Variants in FBN3 observed in about 807,000 individuals in gnomAD.
The protein encoded by FBN3 is fibrillin 3.
Under a neutral mutation model 330.1 loss-of-function variants are expected in FBN3, and 234 were observed. The observed-to-expected ratio is 0.71, with a 90% confidence interval of 0.64 to 0.79. FBN3 has a LOEUF of 0.79. FBN3 is among the 30% of genes least tolerant of loss of function. The probability of loss-of-function intolerance (pLI) is 0.00; values close to 1 mark genes in which losing one functional copy is unlikely to be tolerated. For synonymous variants in FBN3, 1,458 were observed against 1,517.3 expected, an observed-to-expected ratio of 0.96 and a Z score of 0.91; for missense variants, 3,606 against 3,886.9, an observed-to-expected ratio of 0.93 and a Z score of 1.92.
intron 24 of FBN3, 23 bp downstream of exon 24, chr19:8,123,441 C>G (rs770481227): frequency 1.2e-6 from 2 of 1,611,584 alleles, no homozygotes; most frequent in Non-Finnish European, 1.7e-6. Flanking sequence ...ACGCTCTCTC[C>G]AAGAGGCAGA....
In FBN3 at chr19:8,080,880, C is replaced by A. The variant is rs1025178802; in HGVS notation, c.7453+123G>T. On this transcript the variant is annotated intron_variant, in intron 59 of 63. Transcript: ENST00000600128. Reference sequence around the variant, plus strand: ...CAGATGATCCACCCGCTTCAGCTTTCCAAAGTGCTGGGATTACAGGCGTGA... The same window carrying A: ...CAGATGATCCACCCGCTTCAGCTTTACAAAGTGCTGGGATTACAGGCGTGA... 11 of 686,402 alleles carry A rather than the reference C, an allele frequency of 1.6e-5. No individual in the cohort carries two copies. In the Admixed American group the frequency reaches 1.9e-4, roughly 12 times the overall value. The allele number at this position is 686,402 out of a possible 1,614,324, so 42.5% of individuals were successfully genotyped here. A position where few individuals can be genotyped will look rare whatever the true frequency, so the allele number is the denominator to read the frequency against.
chr19:8,119,733 C>T (rs781126456), intron 25 of FBN3, among the ~76,000 whole-genome samples: 2 of 148,822 alleles, frequency 1.3e-5, no homozygotes, highest in Non-Finnish European at 3.0e-5. Context: ...AGGCTGGTCT[C>T]AAAATCCTGA....
chr19:8,121,402 G>GA lies in FBN3; in HGVS notation c.3083-17_3083-16insT, dbSNP rs1568425461. 3.2e-6 allele frequency: 5 copies of GA among 1,584,366 alleles called. No homozygotes were observed. In the East Asian group the frequency reaches 6.8e-5, roughly 22 times the overall value. On this transcript the variant is annotated splice_polypyrimidine_tract_variant and intron_variant, in intron 24 of 63. Transcript: ENST00000600128. This position sits in a 1 kb window ranked among gnomAD's most constrained non-coding sequence, Gnocchi z 4.5. ...TCGTCGATATCTGTGGGGAGAGGGG[G>GA]CAGAGGCCGGAGGCGCCATGTGGGC...
intron 36 of FBN3, among the ~76,000 whole-genome samples, chr19:8,108,455 G>T (rs142824975): frequency 6.6e-6 from 1 of 152,202 alleles, no homozygotes; most frequent in African/African-American, 2.4e-5. Context: ...GCGTGTGCAT[G>T]CGTGTGTGTG....
chr19:8,099,820 G>A (rs1362282575), intron 41 of FBN3, among the ~76,000 whole-genome samples: 1 of 151,688 alleles, frequency 6.6e-6, no homozygotes, highest in Non-Finnish European at 1.5e-5. Flanking sequence ...AGACCAGCCT[G>A]ACCAACATGG....
chr19:8,118,089 A>G (rs573529549), intron 26 of FBN3, among the ~76,000 whole-genome samples: 1 of 152,088 alleles, frequency 6.6e-6, no homozygotes, highest in East Asian at 1.9e-4. Context: ...ACACAGACAC[A>G]CACATAAACA....
chr19:8,127,231 T>C (rs2083016567), intron 18 of FBN3, among the ~76,000 whole-genome samples: 1 of 151,876 alleles, frequency 6.6e-6, no homozygotes, highest in South Asian at 2.1e-4. Flanking sequence ...CTAACTTTTT[T>C]TGTATTTTTA....
Position 8,087,156 on chromosome 19 carries a change from G to T in FBN3, c.6675C>A (p.Cys2225Ter). Reference sequence around the variant, plus strand: ...ACGCGAAGGTACCGATGAGGTTCTTGCACTCCATGCCCCGGGCGTGGCAGT... The same window carrying T: ...ACGCGAAGGTACCGATGAGGTTCTTTCACTCCATGCCCCGGGCGTGGCAGT... The part of the protein sequence containing the change: ...QQDCHARGME[C>*]KNLIGTFACV... Residue 2225 changes from cysteine to a stop codon, truncating the protein, a stop_gained, in exon 54 of 64, where the codon TGC (cysteine) becomes TGA (stop). Coordinates refer to ENST00000600128, the MANE Select transcript of FBN3 (RefSeq NM_032447.5). LOFTEE classifies it high-confidence loss of function. 1.2e-6 allele frequency: 2 copies of T among 1,609,744 alleles called. No homozygotes were observed. Among genetic ancestry groups the T allele is most frequent in the Non-Finnish European group, 8.5e-7 (1 of 1,179,114 alleles).
intron 51 of FBN3, among the ~76,000 whole-genome samples, chr19:8,088,804 CAAAT>C: frequency 6.6e-6 from 1 of 152,084 alleles, no homozygotes; most frequent in East Asian, 1.9e-4. Flanking sequence ...AATGAAGGAA[CAAAT>C]GAATGAGTGA....
At chr19:8,140,167 A>C (rs17160218) in intron 8 of FBN3, among the ~76,000 whole-genome samples, 2,093 of 152,260 alleles carry the variant, frequency 0.014, 52 homozygotes, top group African/African-American at 0.048. Context: ...AGAATATAAG[A>C]ATTTCAACAA....
At chr19:8,132,106 C>T (rs11673432) in intron 14 of FBN3, among the ~76,000 whole-genome samples, 107,141 of 151,954 alleles carry the variant, frequency 0.71, 38,212 homozygotes, top group Middle Eastern at 0.8. Flanking sequence ...AGTGCAGTGG[C>T]GTGATCATAG....
chr19:8,120,165 C>CTTTCT (rs529902047), intron 25 of FBN3, among the ~76,000 whole-genome samples: 1 of 127,922 alleles, frequency 7.8e-6, no homozygotes, highest in African/African-American at 3.0e-5. Flanking sequence ...TTCTTTCTTT[C>CTTTCT]TTTTTTTTTT....
chr19:8,138,357 G>A (rs748747781), intron 9 of FBN3, 34 bp from the exon 10 acceptor site: 2 of 1,610,486 alleles, frequency 1.2e-6, no homozygotes, highest in Non-Finnish European at 1.7e-6. Flanking sequence ...CAGGCCCTTG[G>A]CCCTCCCCTG....
At chr19:8,146,092 C>T in intron 4 of FBN3, 35 bp downstream of exon 4, 1 of 1,552,162 alleles carries the variant, frequency 6.4e-7, no homozygotes, top group Non-Finnish European at 8.7e-7. Flanking sequence ...CTGTGAACTT[C>T]TTCTCCCTCC....
chr19:8,074,157 G>A (rs779364509), intron 61 of FBN3, among the ~76,000 whole-genome samples: 2 of 152,152 alleles, frequency 1.3e-5, no homozygotes, highest in Non-Finnish European at 2.9e-5. Flanking sequence ...TGAAAGGCAG[G>A]TCCTTGGCAA....
Position 8,147,466 on chromosome 19 carries a change from A to G in FBN3, c.15T>C (p.Gly5=). ...CCAGGGGGCCCCTTGCCAAATACAG[A>G]CCCTCCAGAGTCATGGCGTGTCCCC... is the stretch of plus-strand genomic sequence containing the variant. The part of the protein sequence containing the change: MTLE[G]LYLARGPLAR... Residue 5 remains glycine (G), a synonymous_variant, in exon 2 of 64, where the codon GGT becomes GGC. Coordinates refer to ENST00000600128, the MANE Select transcript of FBN3 (RefSeq NM_032447.5). The G allele has an allele frequency of 6.5e-7, 1 of 1,532,992 alleles. No homozygotes were observed. The highest frequency in any genetic ancestry group is 8.8e-7 in the Non-Finnish European group (1 of 1,142,058). The allele number at this position is 1,532,992 out of a possible 1,614,324, so 95.0% of individuals were successfully genotyped here.
chr19:8,149,135 C>T lies in FBN3; in HGVS notation c.-18+314G>A, dbSNP rs2083618436. Among the ~76,000 whole-genome samples, 2 of 151,898 alleles carry T rather than the reference C, an allele frequency of 1.3e-5. No homozygotes were observed. Among genetic ancestry groups the T allele is most frequent in the South Asian group, 2.1e-4 (1 of 4,826 alleles). On this transcript the variant is annotated intron_variant, in intron 1 of 63. Coordinates refer to ENST00000600128, the MANE Select transcript of FBN3 (RefSeq NM_032447.5). The surrounding 1 kb of genome is among the most constrained non-coding windows in gnomAD (Gnocchi z 5.5). ...AAGCTTCGCCGACGGGGAGGGGGCG[C>T]CCCCGGAGCCCGCGGGGCGCGATCT...
intron 14 of FBN3, 24 bp downstream of exon 14, chr19:8,132,960 T>C: frequency 6.5e-7 from 1 of 1,534,010 alleles, no homozygotes; most frequent in South Asian, 1.2e-5. Context: ...TCCCCTCCGC[T>C]GGCCAGTCTG....
rs544810680 is a variant in FBN3, at chr19:8,133,935, A to C, written c.1592-829T>G. On this transcript the variant is annotated intron_variant, in intron 13 of 63. Coordinates refer to ENST00000600128, the MANE Select transcript of FBN3 (RefSeq NM_032447.5). ...TAAAGGACTGAACATACATTTAAAA[A>C]AAAAAATGTGGCTGGGTGCGGTGGT... is the stretch of plus-strand genomic sequence containing the variant. 4.6e-5 allele frequency among the ~76,000 whole-genome samples: 7 copies of C among 151,886 alleles called. No individual in the cohort carries two copies. In the East Asian group the frequency reaches 7.7e-4, roughly 17 times the overall value.
Sources: gnomAD v4.1 joint callset for allele counts (sites outside exome capture counted in the v4.1 genomes callset) on GRCh38, gnomAD v4.1.1 for gene constraint, Gnocchi (gnomAD v3.1) non-coding constraint, MANE v1.5 for transcripts, NCBI Gene and HGNC (gene_info 2026-07-23, HGNC 2026-07-21) for gene names.